Variants in DCC observed in about 807,000 individuals in gnomAD.
The protein encoded by DCC is netrin receptor DCC.
Under a neutral mutation model 172.5 loss-of-function variants are expected in DCC, and 58 were observed. The ratio of observed to expected loss-of-function variants is 0.34; its 90% CI spans 0.27 to 0.42. DCC has a LOEUF of 0.42. Ranked by LOEUF, DCC falls within the 10% of genes least tolerant of loss-of-function variation. The pLI is 1.00. For missense variants in DCC, 1,740 were observed against 1,791.0 expected, an observed-to-expected ratio of 0.97 and a Z score of 0.51; for synonymous variants, 709 against 644.5, an observed-to-expected ratio of 1.10 and a Z score of -1.52.
At chr18:52,355,761 A>C (rs541084234) in intron 1 of DCC, among the ~76,000 whole-genome samples, 1 of 152,304 alleles carries the variant, frequency 6.6e-6, no homozygotes, top group East Asian at 1.9e-4. Context: ...CCAGAGTCAC[A>C]AGGCAATATA....
chr18:52,403,668 T>C (rs1986525594), intron 1 of DCC, among the ~76,000 whole-genome samples: 1 of 151,976 alleles, frequency 6.6e-6, no homozygotes, highest in African/African-American at 2.4e-5. Context: ...AAAGAGCAAC[T>C]AAGGAGGGAA....
At chr18:53,170,416 A>G (rs2054994120) in intron 8 of DCC, among the ~76,000 whole-genome samples, 1 of 152,250 alleles carries the variant, frequency 6.6e-6, no homozygotes, top group African/African-American at 2.4e-5. Context: ...ATGATAGAAA[A>G]TATCAATAAA....
chr18:52,514,191 G>A (rs1671253), intron 1 of DCC, among the ~76,000 whole-genome samples: 43,688 of 151,964 alleles, frequency 0.29, 6,425 homozygotes, highest in African/African-American at 0.32. Context: ...TAGTGTATAT[G>A]CGTACACATG....
intron 2 of DCC, among the ~76,000 whole-genome samples, chr18:52,887,413 A>T (rs969051272): frequency 2.6e-5 from 4 of 151,900 alleles, no homozygotes; most frequent in African/African-American, 9.7e-5. Context: ...GGTTTATTCC[A>T]TCTGTGTCAT....
Position 52,340,842 on chromosome 18 carries a change from G to A in DCC, c.55G>A (p.Gly19Arg). The change falls in exon 1 of 29, where the codon GGA becomes AGA. Residue 19 changes from glycine (G) to arginine (R), a missense_variant. This residue lies in a region of DCC where 1,732 missense variants were observed against 1,767.4 expected (regional missense o/e 0.98). Coordinates refer to ENST00000442544, the MANE Select transcript of DCC (RefSeq NM_005215.4). ...ACCCAAGCTGGCTTTTGTACTCTTC[G>A]GAGCTTCCTTGTTCAGCGCGCATCT... ...WVPKLAFVLF[G>R]ASLFSAHLQV... 6.2e-7 allele frequency: 1 copy of A among 1,614,024 alleles called. No homozygotes were observed. The highest frequency in any genetic ancestry group is 8.5e-7 in the Non-Finnish European group (1 of 1,179,974).
At chr18:52,340,901 C>T in intron 1 of DCC, 23 bp downstream of exon 1, 4 of 1,539,326 alleles carry the variant, frequency 2.6e-6, no homozygotes, top group Non-Finnish European at 3.6e-6. Context: ...TTCCTTTCTT[C>T]TCGTCGCACC....
chr18:52,944,348 G>A (rs555126572), intron 5 of DCC, among the ~76,000 whole-genome samples: 23 of 152,260 alleles, frequency 1.5e-4, no homozygotes, highest in African/African-American at 5.5e-4. Context: ...GTTCAGCTAA[G>A]GCTGAAAGTT....
At chr18:52,505,333 C>G (rs1174122235) in intron 1 of DCC, among the ~76,000 whole-genome samples, 1 of 152,098 alleles carries the variant, frequency 6.6e-6, no homozygotes, top group South Asian at 2.1e-4. Context: ...CCTATTTCCA[C>G]AATTTTGATC....
At chr18:53,328,275 G>A (rs1446724879) in intron 14 of DCC, among the ~76,000 whole-genome samples, 1 of 152,154 alleles carries the variant, frequency 6.6e-6, no homozygotes, top group Non-Finnish European at 1.5e-5. Flanking sequence ...ACCATGTAAA[G>A]GATCAGGTGG....
intron 1 of DCC, among the ~76,000 whole-genome samples, chr18:52,674,951 C>G (rs1021049890): frequency 1.5e-4 from 23 of 152,176 alleles, no homozygotes; most frequent in Admixed American, 1.3e-3. Flanking sequence ...CTATTCTCTA[C>G]GAAGCCTACT....
At chr18:52,608,862 T>C (rs544652664) in intron 1 of DCC, among the ~76,000 whole-genome samples, 1 of 152,326 alleles carries the variant, frequency 6.6e-6, no homozygotes, top group Admixed American at 6.5e-5. Context: ...TGTTGCCATC[T>C]GCCCTGAGAT....
chr18:52,622,806 A>G (rs2034504272), intron 1 of DCC, among the ~76,000 whole-genome samples: 1 of 152,142 alleles, frequency 6.6e-6, no homozygotes, highest in Non-Finnish European at 1.5e-5. Flanking sequence ...CCCTTATTCT[A>G]ATTTCTTCCT....
intron 2 of DCC, among the ~76,000 whole-genome samples, chr18:52,820,311 A>G (rs1370434218): frequency 6.6e-6 from 1 of 152,212 alleles, no homozygotes; most frequent in African/African-American, 2.4e-5. Context: ...AGAAAAAACG[A>G]TGAAAATGTC....
At chr18:52,815,091 A>G (rs2038268825) in intron 2 of DCC, among the ~76,000 whole-genome samples, 1 of 152,192 alleles carries the variant, frequency 6.6e-6, no homozygotes. Flanking sequence ...TTGTAGGCCA[A>G]ATATAGTAAA....
chr18:52,971,509 GCGCACA>G (rs1345945171), intron 5 of DCC, among the ~76,000 whole-genome samples: 1 of 151,244 alleles, frequency 6.6e-6, no homozygotes, highest in Non-Finnish European at 1.5e-5. Context: ...GTGTGTGTGC[GCGCACA>G]CACACACACA....
intron 3 of DCC, among the ~76,000 whole-genome samples, chr18:52,910,839 T>A (rs2039961472): frequency 6.6e-6 from 1 of 152,138 alleles, no homozygotes; most frequent in African/African-American, 2.4e-5. Flanking sequence ...AATATTTATC[T>A]AATTAGAGAC....
intron 1 of DCC, among the ~76,000 whole-genome samples, chr18:52,641,622 T>C (rs1463993006): frequency 6.6e-6 from 1 of 152,002 alleles, no homozygotes; most frequent in Non-Finnish European, 1.5e-5. Context: ...AAAGGCTCAC[T>C]GTCACTAATG....
At chr18:52,841,558 G>A (rs1424621465) in intron 2 of DCC, among the ~76,000 whole-genome samples, 2 of 152,138 alleles carry the variant, frequency 1.3e-5, no homozygotes, top group Non-Finnish European at 2.9e-5. Flanking sequence ...ACAATGAACT[G>A]GGATGGTACC....
At chr18:53,254,110 G>T (rs542425836) in intron 12 of DCC, among the ~76,000 whole-genome samples, 1 of 152,170 alleles carries the variant, frequency 6.6e-6, no homozygotes, top group South Asian at 2.1e-4. Flanking sequence ...TTGTAAAAAA[G>T]AATGATTATT....
Sources: gnomAD v4.1 joint callset for allele counts (sites outside exome capture counted in the v4.1 genomes callset) on GRCh38, gnomAD v4.1.1 for gene constraint, gnomAD v4.1.1 regional missense constraint, MANE v1.5 for transcripts, NCBI Gene and HGNC (gene_info 2026-07-23, HGNC 2026-07-21) for gene names.